TMEM231: variants seen among roughly 807,000 people sequenced by gnomAD.
TMEM231 encodes transmembrane protein 231.
A neutral mutation model predicts 38.5 loss-of-function variants in TMEM231; 40 were observed. The observed-to-expected ratio is 1.04, with a 90% CI of 0.81 to 1.35. The LOEUF is 1.35. TMEM231 is among the 40% of genes most tolerant of loss of function. The pLI, the probability that TMEM231 is intolerant of heterozygous loss-of-function variation, is 0.00. For synonymous variants in TMEM231, 199 were observed against 181.7 expected (o/e 1.10, Z -0.77); for missense variants, 420 against 416.9 (o/e 1.01, Z -0.07).
chr16:75,553,947 A>C (rs1056154882), intron 2 of TMEM231, among the ~76,000 whole-genome samples: 1 of 152,174 alleles, frequency 6.6e-6, no homozygotes, highest in African/African-American at 2.4e-5. Flanking sequence ...CCCACAAGGA[A>C]AGATGATTTA....
Position 75,556,148 on chromosome 16 carries a change from G to C in TMEM231, c.62C>G (p.Ser21Cys). ...CAGCAGCAGGAACAGCGCGGCTTTG[G>C]AGCAGAGCCCCGCGCGGTAACTGCG... ...VERSYRAGLC[S>C]KAALFLLLAA... The change falls in exon 1 of 7, where the codon TCC becomes TGC. Residue 21 changes from serine (S) to cysteine (C), a missense_variant. Transcript: ENST00000258173. 6.4e-7 allele frequency: 1 copy of C among 1,570,794 alleles called. No homozygotes were observed. The highest frequency in any genetic ancestry group is 2.3e-5 in the East Asian group (1 of 42,834).
In TMEM231 at chr16:75,545,360, G is replaced by A. The variant is rs543122080; in HGVS notation, c.574C>T (p.Arg192Ter). The A allele has an allele frequency of 6.8e-6, 11 of 1,612,460 alleles. No homozygotes were observed. The highest frequency in any genetic ancestry group is 2.7e-5 in the African/African-American group (2 of 74,910). The change falls in exon 4 of 7, where the codon CGA (arginine) becomes TGA (stop). Residue 192 changes from arginine to a stop codon, truncating the protein, a stop_gained. Coordinates refer to ENST00000258173, the MANE Select transcript of TMEM231 (RefSeq NM_001077418.3). LOFTEE classifies it high-confidence loss of function. ...QPLSCGGLDA[R>*]YNISVINGTS... ...ATGAGAAGCGCTCTTACGTTGTATC[G>A]GGCATCTAGGCCACCACAGCTCAGC...
In TMEM231 at chr16:75,540,166, G is replaced by C; in HGVS notation, c.779C>G (p.Pro260Arg). The C allele has an allele frequency of 6.2e-7, 1 of 1,612,610 alleles. No individual in the cohort carries two copies. Among genetic ancestry groups the C allele is most frequent in the Non-Finnish European group, 8.5e-7 (1 of 1,179,272 alleles). The change falls in exon 7 of 7, where the codon CCA (proline) becomes CGA (arginine). Residue 260 changes from proline to arginine, a missense_variant. Pro to Arg is a moderately radical substitution (Grantham distance 103, BLOSUM62 -2). Coordinates refer to ENST00000258173, the MANE Select transcript of TMEM231 (RefSeq NM_001077418.3). ...RYPVEVISYQ[P>R]GFWEMVKFAW... ...GAACTTTACCATCTCCCAGAATCCT[G>C]GCTGATAAGTATGGACAGTTAAGGA... is the stretch of plus-strand genomic sequence containing the variant.
At position 75,538,533 on chromosome 16, in the gene TMEM231, G is replaced by GT. The variant is rs751798303; in HGVS notation, c.*1460dup. On this transcript the variant is annotated 3_prime_UTR_variant, in exon 7 of 7. Coordinates refer to ENST00000258173, the MANE Select transcript of TMEM231 (RefSeq NM_001077418.3). The stretch of plus-strand genomic sequence containing the variant: ...CTGAATATTAAAAAAAGACAAGGGG[G>GT]TCAGTGTTAGGGAATTCCTCTGCTT... 6.6e-6 allele frequency: 1 copy of GT among 152,062 alleles called. No homozygotes were observed. Among genetic ancestry groups the GT allele is most frequent in the Non-Finnish European group, 1.5e-5 (1 of 68,022 alleles). The allele number at this position is 152,062 out of a possible 1,614,324, so 9.4% of individuals were successfully genotyped here. A position where few individuals can be genotyped will look rare whatever the true frequency, so the allele number is the denominator to read the frequency against.
rs529952725 is a variant in TMEM231 at position 75,539,106 on chromosome 16, C to G, written c.*888G>C. 6.6e-6 allele frequency: 1 copy of G among 151,878 alleles called. No individual in the cohort carries two copies. The highest frequency in any genetic ancestry group is 6.6e-5 in the Admixed American group (1 of 15,242). 9.4% of individuals were successfully genotyped at this position (151,878 alleles called of 1,614,324 possible). On this transcript the variant is annotated 3_prime_UTR_variant, in exon 7 of 7. Transcript: ENST00000258173. ...AGCGGGAGCCAATCCCAACACCAAC[C>G]CCTGTCGCCCCTGTCCTTTGCAGGA...
chr16:75,550,493 C>T (rs1380059401), intron 2 of TMEM231, among the ~76,000 whole-genome samples: 1 of 152,170 alleles, frequency 6.6e-6, no homozygotes, highest in Admixed American at 6.5e-5. Context: ...CAGCAGGAAC[C>T]TGGAAGCTGA....
intron 2 of TMEM231, among the ~76,000 whole-genome samples, chr16:75,552,211 T>C (rs909344873): frequency 1.3e-5 from 2 of 152,116 alleles, no homozygotes; most frequent in African/African-American, 2.4e-5. Flanking sequence ...CCCAGCACTT[T>C]GGGAGGCCGA....
At position 75,545,967 on chromosome 16, in the gene TMEM231, A is replaced by C; in HGVS notation, c.310-13T>G. ...CTTCTTCTCTAGTCTAGGAAACCCA[A>C]ACAGGCCCAGCAGCCCTGGTCACTA... On this transcript the variant is annotated splice_polypyrimidine_tract_variant and intron_variant, in intron 2 of 6. Coordinates refer to ENST00000258173, the MANE Select transcript of TMEM231 (RefSeq NM_001077418.3). 1 of 1,545,604 alleles carries C rather than the reference A, an allele frequency of 6.5e-7. No homozygotes were observed. The highest frequency in any genetic ancestry group is 2.4e-5 in the East Asian group (1 of 41,402).
rs575960202 is a variant in TMEM231 at position 75,538,750 on chromosome 16, C to T, written c.*1244G>A. 6.6e-6 allele frequency: 1 copy of T among 152,190 alleles called. No individual in the cohort carries two copies. The highest frequency in any genetic ancestry group is 2.4e-5 in the African/African-American group (1 of 41,444). The allele number at this position is 152,190 out of a possible 1,614,324, so 9.4% of individuals were successfully genotyped here. A position where few individuals can be genotyped will look rare whatever the true frequency, so the allele number is the denominator to read the frequency against. On this transcript the variant is annotated 3_prime_UTR_variant, in exon 7 of 7. Coordinates refer to ENST00000258173, the MANE Select transcript of TMEM231 (RefSeq NM_001077418.3). ...CCTGCTTGGGATCAGGAAGCAGCTC[C>T]ATGTGTTCTTGGAGGAGACTGCCCA... is the stretch of plus-strand genomic sequence containing the variant.
chr16:75,548,366 A>T (rs955128489), intron 2 of TMEM231, among the ~76,000 whole-genome samples: 3 of 152,212 alleles, frequency 2.0e-5, no homozygotes, highest in Non-Finnish European at 2.9e-5. Context: ...AATAGTGTCT[A>T]CTTGTTAAAT....
Position 75,538,958 on chromosome 16 carries a change from GCTT to G in TMEM231, c.*1033_*1035del, listed in dbSNP as rs2080589997. The G allele has an allele frequency of 6.6e-6, 1 of 152,310 alleles. No homozygotes were observed. Among genetic ancestry groups the G allele is most frequent in the African/African-American group, 2.4e-5 (1 of 41,462 alleles). 9.4% of individuals were successfully genotyped at this position (152,310 alleles called of 1,614,324 possible). A position where few individuals can be genotyped will look rare whatever the true frequency, so the allele number is the denominator to read the frequency against. ...CCAGCATCCTCTTTACACTCTTACT[GCTT>G]CTTGTGTCCTTCCCAAAGCTGCCCG... is the stretch of plus-strand genomic sequence containing the variant. On this transcript the variant is annotated 3_prime_UTR_variant, in exon 7 of 7. Transcript: ENST00000258173.
In TMEM231 at chr16:75,540,150, C is replaced by T; in HGVS notation, c.795G>A (p.Met265Ile). Reference sequence around the variant, plus strand: ...CATACTGCACCCAGGCGAACTTTACCATCTCCCAGAATCCTGGCTGATAAG... The same window carrying T: ...CATACTGCACCCAGGCGAACTTTACTATCTCCCAGAATCCTGGCTGATAAG... ...VISYQPGFWE[M>I]VKFAWVQYVS... Residue 265 changes from methionine (M) to isoleucine (I), a missense_variant, in exon 7 of 7, where the codon ATG becomes ATA. Transcript: ENST00000258173. 1 of 1,613,460 alleles carries T rather than the reference C, an allele frequency of 6.2e-7. No individual in the cohort carries two copies. The highest frequency in any genetic ancestry group is 8.5e-7 in the Non-Finnish European group (1 of 1,179,662).
In TMEM231 at chr16:75,555,858, C is replaced by T; in HGVS notation, c.255G>A (p.Thr85=). The T allele has an allele frequency of 6.3e-7, 1 of 1,584,854 alleles. No homozygotes were observed. Among genetic ancestry groups the T allele is most frequent in the Non-Finnish European group, 8.6e-7 (1 of 1,166,018 alleles). The change falls in exon 2 of 7, where the codon ACG becomes ACA. Residue 85 remains threonine (T), a synonymous_variant. Coordinates refer to ENST00000258173, the MANE Select transcript of TMEM231 (RefSeq NM_001077418.3). ...CTTGCAGCCGGTTGAAGGCGGGGAA[C>T]GTGCTCCAGGCGAGGAACCCGTCGC... is the stretch of plus-strand genomic sequence containing the variant. The part of the protein sequence containing the change: ...PESDGFLAWS[T]FPAFNRLQGD...
intron 2 of TMEM231, among the ~76,000 whole-genome samples, chr16:75,552,750 A>C (rs941103534): frequency 1.3e-5 from 2 of 152,192 alleles, no homozygotes; most frequent in African/African-American, 4.8e-5. Context: ...GCACAGGTGT[A>C]AGCAATGAGA....
chr16:75,551,450 C>T (rs1045913108), intron 2 of TMEM231, among the ~76,000 whole-genome samples: 1 of 152,164 alleles, frequency 6.6e-6, no homozygotes, highest in African/African-American at 2.4e-5. Flanking sequence ...TCCCAAAGTG[C>T]TGAGATTATA....
chr16:75,556,136 A>G lies in TMEM231; in HGVS notation c.74T>C (p.Leu25Pro). The G allele has an allele frequency of 3.2e-6, 5 of 1,579,778 alleles. No homozygotes were observed. Among genetic ancestry groups the G allele is most frequent in the Middle Eastern group, 3.3e-4 (2 of 5,984 alleles). ...YRAGLCSKAALFLLLAAALTY... is the reference protein window; with the variant it reads ...YRAGLCSKAAPFLLLAAALTY... ...GAGCGCAGCGGCCAGCAGCAGGAAC[A>G]GCGCGGCTTTGGAGCAGAGCCCCGC... Residue 25 changes from leucine (L) to proline (P), a missense_variant, in exon 1 of 7, where the codon CTG becomes CCG. Physicochemically the swap from Leu to Pro is moderately conservative, Grantham distance 98. Transcript: ENST00000258173.
chr16:75,547,692 T>C (rs2080709942), intron 2 of TMEM231, among the ~76,000 whole-genome samples: 1 of 152,082 alleles, frequency 6.6e-6, no homozygotes, highest in Non-Finnish European at 1.5e-5. Flanking sequence ...GGCAGGAGAA[T>C]CGCTTGAACC....
At chr16:75,547,577 G>T (rs190708568) in intron 2 of TMEM231, among the ~76,000 whole-genome samples, 1 of 151,748 alleles carries the variant, frequency 6.6e-6, no homozygotes, top group Admixed American at 6.6e-5. Flanking sequence ...TCAGAAGATC[G>T]AGACCATCCT....
Position 75,539,893 on chromosome 16 carries a change from C to G in TMEM231, c.*101G>C. On this transcript the variant is annotated 3_prime_UTR_variant, in exon 7 of 7. Coordinates refer to ENST00000258173, the MANE Select transcript of TMEM231 (RefSeq NM_001077418.3). ...TGTCTCTGAGGGAAAAGCACACAAGCCCGCAGGTGTCCGCTGGGCTCTTTC... is the reference window on the plus strand; with the variant it reads ...TGTCTCTGAGGGAAAAGCACACAAGGCCGCAGGTGTCCGCTGGGCTCTTTC... The G allele has an allele frequency of 9.8e-7, 1 of 1,025,564 alleles. No individual in the cohort carries two copies. Among genetic ancestry groups the G allele is most frequent in the Non-Finnish European group, 1.4e-6 (1 of 714,794 alleles). The allele number at this position is 1,025,564 out of a possible 1,614,324, so 63.5% of individuals were successfully genotyped here.
Sources: allele counts gnomAD v4.1 joint callset (sites outside exome capture counted in the v4.1 genomes callset), GRCh38; gene constraint gnomAD v4.1.1; transcripts MANE v1.5; gene names NCBI Gene and HGNC (gene_info 2026-07-23, HGNC 2026-07-21).